RERE: variants seen among roughly 807,000 people sequenced by gnomAD.
RERE encodes arginine-glutamic acid dipeptide repeats protein.
A neutral mutation model predicts 146.1 loss-of-function variants in RERE; 40 were observed. The observed-to-expected ratio is 0.27, with a 90% CI of 0.21 to 0.36. The LOEUF (loss-of-function observed/expected upper bound fraction) is 0.36, where lower values mean the gene tolerates loss of function less well. Ranked by LOEUF, RERE falls within the 10% of genes least tolerant of loss-of-function variation. RERE has a pLI of 1.00. For synonymous variants in RERE, 1,003 were observed against 866.0 expected (o/e 1.16, Z -2.78); for missense variants, 1,933 against 2,138.7 (o/e 0.90, Z 1.90).
chr1:8,445,457 C>T (rs1309412053), intron 11 of RERE, among the ~76,000 whole-genome samples: 1 of 152,206 alleles, frequency 6.6e-6, no homozygotes, highest in African/African-American at 2.4e-5. Flanking sequence ...TCAGCCTGGA[C>T]TCTCACATAC....
At chr1:8,770,211 C>T (rs1369534321) in intron 1 of RERE, among the ~76,000 whole-genome samples, 4 of 152,110 alleles carry the variant, frequency 2.6e-5, no homozygotes, top group Non-Finnish European at 1.5e-5. Flanking sequence ...GTGTTTTCAC[C>T]TGTAACGGAG....
intron 12 of RERE, among the ~76,000 whole-genome samples, chr1:8,414,490 A>AGGTTGC (rs771547053): frequency 2.0e-5 from 3 of 152,062 alleles, no homozygotes; most frequent in Non-Finnish European, 4.4e-5. Flanking sequence ...CGGGAGGTGG[A>AGGTTGC]GGTTGCGGTG....
intron 4 of RERE, among the ~76,000 whole-genome samples, chr1:8,607,563 T>TTTTTTTTTTTTTTTG (rs1646735938): frequency 1.1e-5 from 1 of 94,194 alleles, no homozygotes; most frequent in Admixed American, 1.1e-4. Flanking sequence ...TTTTTTTTTT[T>TTTTTTTTTTTTTTTG]GAGACGGAGT....
At chr1:8,628,806 T>C (rs1298650128) in intron 2 of RERE, among the ~76,000 whole-genome samples, 1 of 152,206 alleles carries the variant, frequency 6.6e-6, no homozygotes, top group Non-Finnish European at 1.5e-5. Flanking sequence ...AAAGCCAAAA[T>C]GATTTGGCAA....
chr1:8,740,928 T>TA (rs1640294130), intron 1 of RERE, among the ~76,000 whole-genome samples: 1 of 152,212 alleles, frequency 6.6e-6, no homozygotes, highest in South Asian at 2.1e-4. Flanking sequence ...AAAATAATGA[T>TA]AAAAAGTACA....
At chr1:8,778,673 C>T (rs74628510) in intron 1 of RERE, among the ~76,000 whole-genome samples, 3,917 of 151,906 alleles carry the variant, frequency 0.026, 159 homozygotes, top group African/African-American at 0.089. Flanking sequence ...CCCATCTCTG[C>T]AAAAATACAA....
At chr1:8,578,734 T>A (rs578193114) in intron 4 of RERE, among the ~76,000 whole-genome samples, 22 of 152,314 alleles carry the variant, frequency 1.4e-4, no homozygotes, top group African/African-American at 5.3e-4. Context: ...AGGGGGTTGT[T>A]GGCCTTTTAA....
chr1:8,433,630 G>A (rs1337261804), intron 11 of RERE, among the ~76,000 whole-genome samples: 3 of 146,424 alleles, frequency 2.0e-5, no homozygotes, highest in East Asian at 2.0e-4. Flanking sequence ...GCGCAATCTC[G>A]GCTCACTGCA....
At chr1:8,703,807 ACAAT>A (rs1357026909) in intron 1 of RERE, among the ~76,000 whole-genome samples, 2 of 152,200 alleles carry the variant, frequency 1.3e-5, no homozygotes, top group Non-Finnish European at 1.5e-5. Flanking sequence ...GAAACAACCA[ACAAT>A]CACAGACAAG....
At chr1:8,601,343 C>G (rs1342743522) in intron 4 of RERE, among the ~76,000 whole-genome samples, 2 of 151,926 alleles carry the variant, frequency 1.3e-5, no homozygotes, top group Non-Finnish European at 2.9e-5. Context: ...AATTCAAGTA[C>G]AAATCAAACT....
At chr1:8,682,158 T>C (rs997533806) in intron 1 of RERE, among the ~76,000 whole-genome samples, 9 of 152,170 alleles carry the variant, frequency 5.9e-5, no homozygotes, top group African/African-American at 2.2e-4. Context: ...AGCTCTGTCG[T>C]ATCATGAGAT....
At chr1:8,393,460 C>T (rs1003566308) in intron 12 of RERE, among the ~76,000 whole-genome samples, 2 of 152,152 alleles carry the variant, frequency 1.3e-5, no homozygotes, top group African/African-American at 4.8e-5. Flanking sequence ...CTTTCTCTTG[C>T]TGACTCAATC....
At chr1:8,596,934 G>A (rs1646561894) in intron 4 of RERE, among the ~76,000 whole-genome samples, 1 of 152,092 alleles carries the variant, frequency 6.6e-6, no homozygotes, top group African/African-American at 2.4e-5. Context: ...TGACCTGCAA[G>A]AAATTTCACC....
intron 2 of RERE, among the ~76,000 whole-genome samples, chr1:8,637,651 AAT>A (rs1647118903): frequency 6.6e-6 from 1 of 152,174 alleles, no homozygotes. Context: ...AGAGCACAAA[AAT>A]ATGTCTGATC....
At chr1:8,805,136 C>T (rs1385888028) in intron 1 of RERE, among the ~76,000 whole-genome samples, 2 of 150,870 alleles carry the variant, frequency 1.3e-5, no homozygotes, top group Non-Finnish European at 2.9e-5. Context: ...TCCCGAGTAG[C>T]TAGGATTACA....
chr1:8,698,650 A>G (rs1212461892), intron 1 of RERE, among the ~76,000 whole-genome samples: 1 of 152,214 alleles, frequency 6.6e-6, no homozygotes, highest in East Asian at 1.9e-4. Flanking sequence ...AATCATTAAC[A>G]GCATAAATAC....
intron 11 of RERE, chr1:8,465,366 G>C (rs1644581801): frequency 4.4e-6 from 1 of 227,556 alleles, no homozygotes; most frequent in Non-Finnish European, 9.0e-6. Flanking sequence ...CCTTTAAGGA[G>C]GTCAGGGGTC....
chr1:8,504,748 G>A (rs1409397701), intron 8 of RERE, among the ~76,000 whole-genome samples: 1 of 152,110 alleles, frequency 6.6e-6, no homozygotes. Flanking sequence ...AGCTACTCAG[G>A]AGGCTGAGGC....
intron 12 of RERE, among the ~76,000 whole-genome samples, chr1:8,385,882 T>A (rs1642620953): frequency 7.0e-6 from 1 of 142,158 alleles, no homozygotes; most frequent in Non-Finnish European, 1.5e-5. Flanking sequence ...GGCAGGAGAA[T>A]GGCGTGAACC....
Sources: gnomAD v4.1 joint callset for allele counts (sites outside exome capture counted in the v4.1 genomes callset) on GRCh38, gnomAD v4.1.1 for gene constraint, MANE v1.5 for transcripts, NCBI Gene and HGNC (gene_info 2026-07-23, HGNC 2026-07-21) for gene names.